CHMP5: variants seen among roughly 807,000 people sequenced by gnomAD.
CHMP5 encodes SNF7 domain containing 2.
A neutral mutation model predicts 33.0 loss-of-function variants in CHMP5; 17 were observed. The observed-to-expected ratio is 0.52, with a 90% confidence interval of 0.35 to 0.77. CHMP5 has a LOEUF of 0.77. Among genes scored for constraint, CHMP5 ranks in the 30% least tolerant of loss-of-function variants. The pLI is 0.01. For missense variants in CHMP5, 216 were observed against 261.5 expected (o/e 0.83, Z 1.20); for synonymous variants, 76 against 90.2 (o/e 0.84, Z 0.89).
At chr9:33,267,978 A>G in intron 3 of CHMP5, 79 bp downstream of exon 3, 1 of 963,128 alleles carries the variant, frequency 1.0e-6, no homozygotes, top group South Asian at 1.4e-5. Context: ...AGGTTTTCAT[A>G]CTATTTTCTA....
chr9:33,269,769 G>A (rs1304967924), intron 3 of CHMP5, among the ~76,000 whole-genome samples: 2 of 152,136 alleles, frequency 1.3e-5, no homozygotes, highest in African/African-American at 4.8e-5. Flanking sequence ...GAGGTTGGGA[G>A]TTCGAGACCA....
At chr9:33,266,757 A>C (rs1035686110) in intron 2 of CHMP5, among the ~76,000 whole-genome samples, 1 of 152,188 alleles carries the variant, frequency 6.6e-6, no homozygotes, top group African/African-American at 2.4e-5. Context: ...TGGTCAGGTT[A>C]GGTTGGTATA....
intron 7 of CHMP5, among the ~76,000 whole-genome samples, chr9:33,279,818 G>A (rs767641967): frequency 3.4e-5 from 5 of 145,304 alleles, no homozygotes; most frequent in South Asian, 2.2e-4. Context: ...AGCCGAGGTC[G>A]TGCCATTGTA....
In CHMP5 at chr9:33,276,523, G is replaced by T; in HGVS notation, c.455G>T (p.Ser152Ile). Residue 152 changes from serine (S) to isoleucine (I), a missense_variant, in exon 6 of 8, where the codon AGT (serine) becomes ATT (isoleucine). By Grantham distance (142) the Ser-to-Ile change is moderately radical. Coordinates refer to ENST00000223500, the MANE Select transcript of CHMP5 (RefSeq NM_016410.6). ...ANEIQEALSR[S>I]YGTPELDEDD... ...GAAATCCAAGAAGCACTGAGTCGCA[G>T]TTATGGCACCCCAGAACTGGATGAA... The T allele has an allele frequency of 6.2e-7, 1 of 1,610,632 alleles. No homozygotes were observed. The highest frequency in any genetic ancestry group is 2.2e-5 in the East Asian group (1 of 44,804).
chr9:33,280,985 C>A lies in CHMP5; in HGVS notation c.*126C>A. The A allele has an allele frequency of 1.6e-6, 1 of 637,750 alleles. No individual in the cohort carries two copies. Among genetic ancestry groups the A allele is most frequent in the Non-Finnish European group, 2.6e-6 (1 of 384,288 alleles). 39.5% of individuals were successfully genotyped at this position (637,750 alleles called of 1,614,324 possible). ...CTTTCTTTGAAGGAAAGTTTAATTA[C>A]ATTGCTCTTTTATTTTTTCCATTAA... On this transcript the variant is annotated 3_prime_UTR_variant, in exon 8 of 8. Coordinates refer to ENST00000223500, the MANE Select transcript of CHMP5 (RefSeq NM_016410.6).
Position 33,267,710 on chromosome 9 carries a change from G to A in CHMP5, c.175-143G>A, listed in dbSNP as rs570381926. 15 of 614,390 alleles carry A rather than the reference G, an allele frequency of 2.4e-5. No individual in the cohort carries two copies. The South Asian group carries it at 3.0e-4, about 12-fold the overall frequency. The allele number at this position is 614,390 out of a possible 1,614,324, so 38.1% of individuals were successfully genotyped here. ...CTTAGAGATACCTGTTTTTGGGAGG[G>A]GAAGTACAGAATCCAGGAGCCATTA... is the stretch of plus-strand genomic sequence containing the variant. On this transcript the variant is annotated intron_variant, in intron 2 of 7. Coordinates refer to ENST00000223500, the MANE Select transcript of CHMP5 (RefSeq NM_016410.6).
intron 7 of CHMP5, among the ~76,000 whole-genome samples, chr9:33,278,791 C>G (rs1325733870): frequency 6.6e-6 from 1 of 152,134 alleles, no homozygotes; most frequent in Non-Finnish European, 1.5e-5. Flanking sequence ...AATTACTTAG[C>G]TATTGTAAGC....
chr9:33,268,495 G>A (rs1297558084), intron 3 of CHMP5, among the ~76,000 whole-genome samples: 1 of 152,208 alleles, frequency 6.6e-6, no homozygotes, highest in Non-Finnish European at 1.5e-5. Flanking sequence ...GGGTTATAGA[G>A]GTCAGGTATA....
intron 5 of CHMP5, among the ~76,000 whole-genome samples, chr9:33,275,421 T>G (rs1820841710): frequency 6.6e-6 from 1 of 152,188 alleles, no homozygotes; most frequent in Non-Finnish European, 1.5e-5. Flanking sequence ...CTATCCTGAT[T>G]CCCTTTCTGA....
chr9:33,281,937 TC>T lies in CHMP5; in HGVS notation c.*1080del, dbSNP rs1820926633. The stretch of plus-strand genomic sequence containing the variant: ...TGCCCAATTTCAGGGTCTTTAATGA[TC>T]CTGTCCTCCCTTCCTCATTCAACTT... On this transcript the variant is annotated 3_prime_UTR_variant, in exon 8 of 8. Transcript: ENST00000223500. 6.6e-6 allele frequency: 1 copy of T among 152,244 alleles called. No individual in the cohort carries two copies. Among genetic ancestry groups the T allele is most frequent in the South Asian group, 2.1e-4 (1 of 4,832 alleles). The allele number at this position is 152,244 out of a possible 1,614,324, so 9.4% of individuals were successfully genotyped here.
chr9:33,277,190 C>CAAA (rs59657807), intron 6 of CHMP5, among the ~76,000 whole-genome samples: 26 of 53,338 alleles, frequency 4.9e-4, no homozygotes, highest in African/African-American at 1.1e-3. Flanking sequence ...GACCTTCTCT[C>CAAA]AAAAAAAAAA....
chr9:33,272,409 A>AG (rs1564086636), intron 5 of CHMP5, among the ~76,000 whole-genome samples: 15 of 151,186 alleles, frequency 9.9e-5, no homozygotes. Context: ...AAAAAAAAAA[A>AG]AGAGAGAAAG....
chr9:33,276,448 T>G lies in CHMP5; in HGVS notation c.388-8T>G. On this transcript the variant is annotated splice_region_variant and splice_polypyrimidine_tract_variant and intron_variant, in intron 5 of 7. Coordinates refer to ENST00000223500, the MANE Select transcript of CHMP5 (RefSeq NM_016410.6). ...TGAGAGAAAATCCTCTCATATATATTTCCGTAGGATTTACAAGACCAGCTA... is the reference window on the plus strand; with the variant it reads ...TGAGAGAAAATCCTCTCATATATATGTCCGTAGGATTTACAAGACCAGCTA... 1 of 1,498,624 alleles carries G rather than the reference T, an allele frequency of 6.7e-7. No homozygotes were observed. The allele number at this position is 1,498,624 out of a possible 1,614,324, so 92.8% of individuals were successfully genotyped here. A position where few individuals can be genotyped will look rare whatever the true frequency, so the allele number is the denominator to read the frequency against.
At chr9:33,268,139 G>A (rs554067652) in intron 3 of CHMP5, among the ~76,000 whole-genome samples, 38 of 152,304 alleles carry the variant, frequency 2.5e-4, no homozygotes, top group Non-Finnish European at 4.9e-4. Flanking sequence ...GTAGCTATTA[G>A]CAACATGTGG....
intron 4 of CHMP5, 98 bp from the exon 5 acceptor site, chr9:33,271,054 A>G (rs983195158): frequency 5.2e-6 from 5 of 957,652 alleles, no homozygotes; most frequent in Admixed American, 4.4e-5. Flanking sequence ...CTGGGCAGCA[A>G]GAGTGCAACT....
At chr9:33,272,395 A>C (rs1253463817) in intron 5 of CHMP5, among the ~76,000 whole-genome samples, 1 of 10,632 alleles carries the variant, frequency 9.4e-5, no homozygotes, top group South Asian at 3.6e-3. Flanking sequence ...AGATAAAGCA[A>C]AAAAAAAAAA....
intron 2 of CHMP5, 43 bp downstream of exon 2, chr9:33,266,157 T>C: frequency 7.5e-7 from 1 of 1,336,260 alleles, no homozygotes; most frequent in South Asian, 1.2e-5. Context: ...TGGCAGAGCC[T>C]AGTTTTAGCA....
At chr9:33,269,965 ACT>A (rs1220708981) in intron 3 of CHMP5, among the ~76,000 whole-genome samples, 2 of 152,044 alleles carry the variant, frequency 1.3e-5, no homozygotes, top group East Asian at 1.9e-4. Context: ...CAAAAGTGAA[ACT>A]CTGTCTCAAA....
At position 33,281,221 on chromosome 9, in the gene CHMP5, G is replaced by C. The variant is rs1820919138; in HGVS notation, c.*362G>C. 5.6e-6 allele frequency: 1 copy of C among 179,032 alleles called. No homozygotes were observed. The highest frequency in any genetic ancestry group is 2.4e-5 in the African/African-American group (1 of 42,216). 11.1% of individuals were successfully genotyped at this position (179,032 alleles called of 1,614,324 possible). On this transcript the variant is annotated 3_prime_UTR_variant, in exon 8 of 8. Coordinates refer to ENST00000223500, the MANE Select transcript of CHMP5 (RefSeq NM_016410.6). The stretch of plus-strand genomic sequence containing the variant: ...TCAAAATGACCTGATAAATTGATAA[G>C]ACAAAGATGAGATTATTGGGGCTGT...
Sources: allele counts gnomAD v4.1 joint callset (sites outside exome capture counted in the v4.1 genomes callset), GRCh38; gene constraint gnomAD v4.1.1; transcripts MANE v1.5; gene names NCBI Gene and HGNC (gene_info 2026-07-23, HGNC 2026-07-21).